Variants in DDC observed in about 807,000 individuals in gnomAD.
DDC encodes the protein dopa decarboxylase.
A neutral mutation model predicts 60.0 loss-of-function variants in DDC; 43 were observed. The ratio of observed to expected loss-of-function variants is 0.72; its 90% CI spans 0.56 to 0.92. The LOEUF is 0.92. DDC is among the 40% of genes least tolerant of loss of function. The pLI is 0.00. For synonymous variants in DDC, 232 were observed against 234.6 expected (o/e 0.99, Z 0.10); for missense variants, 573 against 620.2 (o/e 0.92, Z 0.81).
intron 1 of DDC, among the ~76,000 whole-genome samples, chr7:50,554,607 C>T (rs1298941777): frequency 6.6e-6 from 1 of 152,092 alleles, no homozygotes; most frequent in Non-Finnish European, 1.5e-5. Context: ...GCTTACAAGA[C>T]TTAGGTAGCG....
Position 50,470,154 on chromosome 7 carries a change from C to T in DDC, c.1059G>A (p.Leu353=). 7 of 1,611,680 alleles carry T rather than the reference C, an allele frequency of 4.3e-6. No homozygotes were observed. Among genetic ancestry groups the T allele is most frequent in the Non-Finnish European group, 5.9e-6 (7 of 1,177,852 alleles). ...TTTTCAAAGAGCGAAATCTTCTGCC[C>T]AGTGGTATCTGCCAATGCTGAAATG... ...ITDYRHWQIP[L]GRRFRSLKMW... Residue 353 remains leucine, a synonymous_variant, in exon 12 of 15, where the codon CTG becomes CTA. Transcript: ENST00000444124.
At chr7:50,543,528 C>G (rs1182333022) in intron 2 of DDC, 1 of 357,330 alleles carries the variant, frequency 2.8e-6, no homozygotes, top group Admixed American at 3.8e-5. Context: ...GGGCAATTGA[C>G]TTATTTGAAA....
chr7:50,554,326 G>A (rs1444315990), intron 1 of DDC, among the ~76,000 whole-genome samples: 1 of 152,032 alleles, frequency 6.6e-6, no homozygotes, highest in Non-Finnish European at 1.5e-5. Flanking sequence ...AGGGGGAGAG[G>A]GGAAATATGA....
intron 1 of DDC, among the ~76,000 whole-genome samples, chr7:50,548,098 G>C (rs73342821): frequency 0.01 from 1,531 of 152,304 alleles, 23 homozygotes; most frequent in African/African-American, 0.035. Flanking sequence ...ACACCCACAT[G>C]ATGGTCAACT....
chr7:50,496,793 G>A (rs1042704964), intron 8 of DDC, among the ~76,000 whole-genome samples: 8 of 152,252 alleles, frequency 5.3e-5, no homozygotes, highest in African/African-American at 1.7e-4. Flanking sequence ...CAAGGCCCTA[G>A]GGCACCTCCT....
At chr7:50,502,842 C>T (rs1349275823) in intron 7 of DDC, among the ~76,000 whole-genome samples, 2 of 151,860 alleles carry the variant, frequency 1.3e-5, no homozygotes, top group African/African-American at 2.4e-5. Flanking sequence ...ATTTTATGAG[C>T]ACAAGTGGGG....
In DDC at chr7:50,485,038, A is replaced by C. The variant is rs571213204; in HGVS notation, c.945-5175T>G. Among the ~76,000 whole-genome samples the C allele has an allele frequency of 1.5e-4, 23 of 152,364 alleles. No individual in the cohort carries two copies. In the South Asian group the frequency reaches 4.8e-3, roughly 32 times the overall value. On this transcript the variant is annotated intron_variant, in intron 9 of 14. Coordinates refer to ENST00000444124, the MANE Select transcript of DDC (RefSeq NM_001082971.2). ...GTCTCAACGATTACTAGAATGATTA[A>C]AACTGTTTCAGAGAAATAGAATTTT... is the stretch of plus-strand genomic sequence containing the variant.
chr7:50,506,093 G>A (rs528755653), intron 6 of DDC, among the ~76,000 whole-genome samples: 1 of 152,330 alleles, frequency 6.6e-6, no homozygotes, highest in South Asian at 2.1e-4. Context: ...AGCAGGATTA[G>A]GATCGGCTGG....
chr7:50,511,064 C>T (rs1412017465), intron 6 of DDC, among the ~76,000 whole-genome samples: 22 of 145,448 alleles, frequency 1.5e-4, no homozygotes, highest in Admixed American at 3.4e-4. Context: ...CACACACACA[C>T]ACACACACAC....
intron 9 of DDC, among the ~76,000 whole-genome samples, chr7:50,489,919 T>G (rs1360621733): frequency 6.6e-6 from 1 of 152,234 alleles, no homozygotes; most frequent in African/African-American, 2.4e-5. Flanking sequence ...TAAAATTTAA[T>G]AGATTTGTTT....
At chr7:50,489,790 T>G (rs6953661) in intron 9 of DDC, among the ~76,000 whole-genome samples, 2,915 of 152,314 alleles carry the variant, frequency 0.019, 164 homozygotes, top group Admixed American at 0.12. Context: ...AAGACCAGCA[T>G]CTGTGTCCCT....
chr7:50,537,947 A>G lies in DDC; in HGVS notation c.348T>C (p.Thr116=). 1.9e-6 allele frequency: 3 copies of G among 1,614,140 alleles called. No homozygotes were observed. Among genetic ancestry groups the G allele is most frequent in the Non-Finnish European group, 2.5e-6 (3 of 1,180,024 alleles). Residue 116 remains threonine, a synonymous_variant, in exon 4 of 15, where the codon ACT becomes ACC. Coordinates refer to ENST00000444124, the MANE Select transcript of DDC (RefSeq NM_001082971.2). The part of the protein sequence containing the change: ...AASPACTELE[T]VMMDWLGKML... Reference sequence around the variant, plus strand: ...TCTTCCCGAGCCAGTCCATCATCACAGTCTCCAGCTCTGTGCATGCTGGGC... The same window carrying G: ...TCTTCCCGAGCCAGTCCATCATCACGGTCTCCAGCTCTGTGCATGCTGGGC...
At chr7:50,461,541 A>C (rs1045278867) in intron 14 of DDC, among the ~76,000 whole-genome samples, 1 of 152,254 alleles carries the variant, frequency 6.6e-6, no homozygotes, top group African/African-American at 2.4e-5. Context: ...CTTTGCTGAT[A>C]AATTTTCAGA....
Position 50,528,203 on chromosome 7 carries a change from G to C in DDC, c.648C>G (p.Ala216=). 6.2e-7 allele frequency: 1 copy of C among 1,614,118 alleles called. No homozygotes were observed. The change falls in exon 6 of 15, where the codon GCC becomes GCG. Residue 216 remains alanine, a synonymous_variant. Coordinates refer to ENST00000444124, the MANE Select transcript of DDC (RefSeq NM_001082971.2). The part of the protein sequence containing the change: ...LKAIPSDGNF[A]MRASALQEAL... The stretch of plus-strand genomic sequence containing the variant: ...CTTCCTGCAGGGCAGACGCACGCAT[G>C]GCGAAGTTGCCATCTGAGGGGATGG...
intron 14 of DDC, among the ~76,000 whole-genome samples, chr7:50,460,454 C>T (rs1467389045): frequency 1.3e-5 from 2 of 150,708 alleles, no homozygotes; most frequent in African/African-American, 4.9e-5. Flanking sequence ...TCCGGCCAGC[C>T]ACCCGGTCCA....
At chr7:50,467,877 T>C (rs2042432962) in intron 12 of DDC, among the ~76,000 whole-genome samples, 1 of 152,220 alleles carries the variant, frequency 6.6e-6, no homozygotes, top group South Asian at 2.1e-4. Flanking sequence ...CAGCTGTTGC[T>C]CCTCCTCCGC....
At chr7:50,479,733 C>T (rs1156856710) in intron 10 of DDC, 54 bp downstream of exon 10, 8 of 1,506,264 alleles carry the variant, frequency 5.3e-6, no homozygotes, top group Non-Finnish European at 7.4e-6. Flanking sequence ...TCCAGGGCAG[C>T]TCTGAGGGGA....
At chr7:50,485,951 A>G (rs2042871499) in intron 9 of DDC, among the ~76,000 whole-genome samples, 1 of 152,202 alleles carries the variant, frequency 6.6e-6, no homozygotes, top group South Asian at 2.1e-4. Context: ...AGAATAATGA[A>G]TTCATTATGA....
intron 6 of DDC, 97 bp downstream of exon 6, chr7:50,528,040 G>A: frequency 7.1e-7 from 1 of 1,403,920 alleles, no homozygotes; most frequent in Non-Finnish European, 9.7e-7. Flanking sequence ...GGGATTACAA[G>A]AATGCGCCAC....
Sources: gnomAD v4.1 joint callset for allele counts (sites outside exome capture counted in the v4.1 genomes callset) on GRCh38, gnomAD v4.1.1 for gene constraint, MANE v1.5 for transcripts, NCBI Gene and HGNC (gene_info 2026-07-23, HGNC 2026-07-21) for gene names.